Variants in KIF6 observed in about 807,000 individuals in gnomAD.
The protein encoded by KIF6 is kinesin-like protein KIF6.
Under a neutral mutation model 112.7 loss-of-function variants are expected in KIF6, and 106 were observed. The observed-to-expected ratio is 0.94, with a 90% CI of 0.80 to 1.11. The LOEUF (loss-of-function observed/expected upper bound fraction) is 1.11. KIF6 is among the 50% of genes least tolerant of loss of function. KIF6 has a pLI of 0.00. For missense variants in KIF6, 929 were observed against 964.0 expected (o/e 0.96, Z 0.48); for synonymous variants, 339 against 339.9 (o/e 1.00, Z 0.03).
intron 22 of KIF6, among the ~76,000 whole-genome samples, chr6:39,339,117 T>G (rs556930789): frequency 6.6e-6 from 1 of 152,156 alleles, no homozygotes; most frequent in African/African-American, 2.4e-5. Context: ...TGTATTGGGG[T>G]TTTGATTACC....
At chr6:39,692,515 C>T (rs557098880) in intron 3 of KIF6, among the ~76,000 whole-genome samples, 8 of 152,158 alleles carry the variant, frequency 5.3e-5, no homozygotes, top group Admixed American at 2.0e-4. Flanking sequence ...GAATCACGCA[C>T]AGGAAGAATT....
chr6:39,455,266 A>G (rs1316705219), intron 13 of KIF6, among the ~76,000 whole-genome samples: 10 of 151,744 alleles, frequency 6.6e-5, no homozygotes, highest in African/African-American at 2.2e-4. Flanking sequence ...GCACACTGAC[A>G]CCTCACACTG....
At chr6:39,494,574 C>A (rs1222012499) in intron 13 of KIF6, among the ~76,000 whole-genome samples, 2 of 152,090 alleles carry the variant, frequency 1.3e-5, no homozygotes, top group African/African-American at 4.8e-5. Context: ...CAAATCAATG[C>A]CTCTAGAATT....
chr6:39,381,242 C>T (rs1165043121), intron 16 of KIF6, among the ~76,000 whole-genome samples: 8 of 152,116 alleles, frequency 5.3e-5, no homozygotes, highest in Admixed American at 3.3e-4. Context: ...CACGACAAAC[C>T]CAAACCGATC....
At chr6:39,469,485 AC>A (rs1773992477) in intron 13 of KIF6, among the ~76,000 whole-genome samples, 2 of 152,258 alleles carry the variant, frequency 1.3e-5, no homozygotes, top group Admixed American at 1.3e-4. Context: ...GAAAACAGTA[AC>A]CATAAGAAAG....
At chr6:39,365,179 G>A (rs1190453471) in intron 16 of KIF6, among the ~76,000 whole-genome samples, 1 of 152,128 alleles carries the variant, frequency 6.6e-6, no homozygotes, top group Non-Finnish European at 1.5e-5. Flanking sequence ...ACTGGATCAC[G>A]ATTCTGTCTG....
At chr6:39,403,217 C>A (rs1476937333) in intron 15 of KIF6, among the ~76,000 whole-genome samples, 1 of 151,992 alleles carries the variant, frequency 6.6e-6, no homozygotes, top group Non-Finnish European at 1.5e-5. Flanking sequence ...GACTTGGGAG[C>A]ATGTGTGTGC....
At chr6:39,632,949 G>C (rs917700773) in intron 5 of KIF6, among the ~76,000 whole-genome samples, 5 of 151,944 alleles carry the variant, frequency 3.3e-5, no homozygotes, top group Non-Finnish European at 7.4e-5. Flanking sequence ...GTGGGACCTA[G>C]AGAATTAAGG....
At chr6:39,346,841 G>C (rs1427783481) in intron 19 of KIF6, among the ~76,000 whole-genome samples, 1 of 152,092 alleles carries the variant, frequency 6.6e-6, no homozygotes, top group African/African-American at 2.4e-5. Context: ...TAGAGATGGG[G>C]TTTCACCATA....
intron 19 of KIF6, chr6:39,353,856 G>T: frequency 2.0e-6 from 1 of 489,138 alleles, no homozygotes; most frequent in Middle Eastern, 7.0e-4. Flanking sequence ...CACTATGCCA[G>T]CCACAATGGG....
intron 9 of KIF6, among the ~76,000 whole-genome samples, chr6:39,579,354 T>C (rs550343195): frequency 6.6e-6 from 1 of 152,324 alleles, no homozygotes; most frequent in East Asian, 1.9e-4. Flanking sequence ...TGCATATGTA[T>C]ATTGGCAGTT....
chr6:39,676,177 T>C (rs1003614115), intron 3 of KIF6, among the ~76,000 whole-genome samples: 4 of 151,620 alleles, frequency 2.6e-5, no homozygotes, highest in Admixed American at 6.6e-5. Context: ...TAAATCCACA[T>C]TGAGATGCAT....
Position 39,537,012 on chromosome 6 carries a change from A to G in KIF6, c.1645+2991T>C, listed in dbSNP as rs554231820. On this transcript the variant is annotated intron_variant, in intron 13 of 22. Coordinates refer to ENST00000287152, the MANE Select transcript of KIF6 (RefSeq NM_145027.6). The stretch of plus-strand genomic sequence containing the variant: ...CAGAAAAGGCCTTTGACAAAATTCA[A>G]CAATGCTTCATGCTAAAAACTCTCA... 3.5e-4 allele frequency among the ~76,000 whole-genome samples: 53 copies of G among 152,296 alleles called. No homozygotes were observed. In the South Asian group the frequency reaches 0.011, roughly 30 times the overall value.
Position 39,336,608 on chromosome 6 carries a change from G to T in KIF6, c.2429-60C>A. 3 of 1,541,140 alleles carry T rather than the reference G, an allele frequency of 1.9e-6. No individual in the cohort carries two copies. The Admixed American group carries it at 5.0e-5, about 26-fold the overall frequency. On this transcript the variant is annotated intron_variant, in intron 22 of 22. Coordinates refer to ENST00000287152, the MANE Select transcript of KIF6 (RefSeq NM_145027.6). ...TGCATGCAGACACTGACTTTTCCCA[G>T]GATTGAATCGGGGGGAGGGGAGGCC...
At chr6:39,679,722 T>G (rs1787394077) in intron 3 of KIF6, among the ~76,000 whole-genome samples, 1 of 149,848 alleles carries the variant, frequency 6.7e-6, no homozygotes, top group Non-Finnish European at 1.5e-5. Flanking sequence ...TTCAAGCAAT[T>G]CTCTTGCCTC....
intron 5 of KIF6, among the ~76,000 whole-genome samples, chr6:39,613,641 A>C (rs539831306): frequency 6.6e-6 from 1 of 152,314 alleles, no homozygotes; most frequent in South Asian, 2.1e-4. Context: ...TTCTATCTGC[A>C]TATCAGGAAA....
At chr6:39,714,444 T>C (rs1789716875) in intron 3 of KIF6, among the ~76,000 whole-genome samples, 1 of 152,218 alleles carries the variant, frequency 6.6e-6, no homozygotes. Flanking sequence ...TTTATATATC[T>C]TTACAAATAG....
rs183646792 is a variant in KIF6, at chr6:39,380,893, G to A, written c.1861+4729C>T. 1.3e-4 allele frequency among the ~76,000 whole-genome samples: 20 copies of A among 152,238 alleles called. No individual in the cohort carries two copies. In the East Asian group the frequency reaches 1.7e-3, roughly 13 times the overall value. ...TGAATTTTGAGTATTTGTTACCTTT[G>A]TTTCTTAATATAACATTTAATTGTA... On this transcript the variant is annotated intron_variant, in intron 16 of 22. Coordinates refer to ENST00000287152, the MANE Select transcript of KIF6 (RefSeq NM_145027.6).
chr6:39,417,692 T>C (rs1005438326), intron 15 of KIF6, among the ~76,000 whole-genome samples: 7 of 151,870 alleles, frequency 4.6e-5, no homozygotes, highest in African/African-American at 9.7e-5. Flanking sequence ...ACATACACGA[T>C]TGCACCACAG....
Sources: allele counts gnomAD v4.1 joint callset (sites outside exome capture counted in the v4.1 genomes callset), GRCh38; gene constraint gnomAD v4.1.1; transcripts MANE v1.5; gene names NCBI Gene and HGNC (gene_info 2026-07-23, HGNC 2026-07-21).